PGBD5: variants seen among roughly 807,000 people sequenced by gnomAD.
PGBD5 encodes piggyBac transposable element-derived protein 5.
PGBD5 carries 14 observed loss-of-function variants against 47.9 expected under a neutral mutation model. The ratio of observed to expected loss-of-function variants is 0.29; its 90% CI spans 0.19 to 0.46. PGBD5 has a LOEUF of 0.46. Among genes scored for constraint, PGBD5 ranks in the 20% least tolerant of loss-of-function variants. The pLI is 1.00. For missense variants in PGBD5, 635 were observed against 716.0 expected, an observed-to-expected ratio of 0.89 and a Z score of 1.29; for synonymous variants, 316 against 306.3, an observed-to-expected ratio of 1.03 and a Z score of -0.33.
At chr1:230,336,960 G>C (rs1002485461) in intron 4 of PGBD5, 148 bp downstream of exon 4, 6 of 861,622 alleles carry the variant, frequency 7.0e-6, no homozygotes, top group African/African-American at 6.8e-5. Flanking sequence ...TGGCTGAGAC[G>C]CATCTGTTCC....
chr1:230,390,941 T>C (rs900798178), intron 1 of PGBD5, among the ~76,000 whole-genome samples: 6 of 152,230 alleles, frequency 3.9e-5, no homozygotes, highest in Admixed American at 3.3e-4. Context: ...GGTTTCATCA[T>C]GTTGGTCAGG....
intron 1 of PGBD5, among the ~76,000 whole-genome samples, chr1:230,388,675 A>G (rs2102730999): frequency 6.6e-6 from 1 of 152,236 alleles, no homozygotes; most frequent in East Asian, 1.9e-4. Flanking sequence ...TCGGCCTCCC[A>G]AAGTGCTGGG....
At chr1:230,334,150 G>A (rs752918123) in intron 4 of PGBD5, among the ~76,000 whole-genome samples, 5 of 152,310 alleles carry the variant, frequency 3.3e-5, no homozygotes, top group African/African-American at 4.8e-5. Context: ...TTCCTCTTCC[G>A]AATTCCTTTC....
intron 3 of PGBD5, among the ~76,000 whole-genome samples, chr1:230,350,328 C>T (rs550635381): frequency 2.6e-5 from 4 of 152,338 alleles, no homozygotes; most frequent in African/African-American, 9.6e-5. Flanking sequence ...ACCTCAGATG[C>T]TTTTCCTGGG....
intron 1 of PGBD5, among the ~76,000 whole-genome samples, chr1:230,406,963 T>C (rs990769019): frequency 5.3e-5 from 8 of 152,194 alleles, no homozygotes; most frequent in African/African-American, 1.9e-4. Context: ...GCCTCCTTAG[T>C]AGCTGGAATT....
chr1:230,389,383 G>A (rs1157322674), intron 1 of PGBD5, among the ~76,000 whole-genome samples: 1 of 151,982 alleles, frequency 6.6e-6, no homozygotes, highest in East Asian at 1.9e-4. Flanking sequence ...ATGTTGGCCA[G>A]TCTGGTCTCG....
rs1395426834 is a variant in PGBD5 at position 230,385,824 on chromosome 1, T to C, written c.332-28503A>G. ...AGTGTTTTGTCAGTAAATGCACATC[T>C]CCTCTCCATCCTGGCTACTCTAAGA... On this transcript the variant is annotated intron_variant, in intron 1 of 6. Transcript: ENST00000391860. 2.0e-5 allele frequency among the ~76,000 whole-genome samples: 3 copies of C among 152,086 alleles called. No individual in the cohort carries two copies. In the East Asian group the frequency reaches 5.8e-4, roughly 29 times the overall value.
chr1:230,332,439 G>T (rs1186987140), intron 5 of PGBD5, among the ~76,000 whole-genome samples: 2 of 152,198 alleles, frequency 1.3e-5, no homozygotes, highest in African/African-American at 2.4e-5. Flanking sequence ...ACCAGACAGC[G>T]CATATGCTTT....
intron 1 of PGBD5, among the ~76,000 whole-genome samples, chr1:230,418,554 C>A (rs1657576260): frequency 6.6e-6 from 1 of 152,124 alleles, no homozygotes; most frequent in African/African-American, 2.4e-5. Flanking sequence ...GTACCACAGT[C>A]TGGAGTGCAG....
At chr1:230,400,610 A>G (rs1199992739) in intron 1 of PGBD5, among the ~76,000 whole-genome samples, 4 of 152,214 alleles carry the variant, frequency 2.6e-5, no homozygotes, top group Non-Finnish European at 5.9e-5. Context: ...AGAAGTGCCA[A>G]TACTTACTCA....
rs1455856578 is a variant in PGBD5, at chr1:230,357,071, G to A, written c.582C>T (p.Tyr194=). Residue 194 remains tyrosine (Y), a synonymous_variant, in exon 2 of 7, where the codon TAC becomes TAT. Coordinates refer to ENST00000391860, the MANE Select transcript of PGBD5 (RefSeq NM_001258311.2). This position sits in a 1 kb window ranked among gnomAD's most constrained non-coding sequence, Gnocchi z 5.7. ...SVLSIWSGGF[Y]SNRSLALVMS... is the part of the protein sequence containing the mutation. ...TGACGAGGGCGAGGCTGCGGTTGCTGTAGAAGCCTCCGCTCCAGATGCTGA... is the reference window on the plus strand; with the variant it reads ...TGACGAGGGCGAGGCTGCGGTTGCTATAGAAGCCTCCGCTCCAGATGCTGA... 1 of 1,614,222 alleles carries A rather than the reference G, an allele frequency of 6.2e-7. No individual in the cohort carries two copies. The highest frequency in any genetic ancestry group is 1.1e-5 in the South Asian group (1 of 91,086).
intron 1 of PGBD5, among the ~76,000 whole-genome samples, chr1:230,423,582 A>G (rs1397736820): frequency 6.6e-6 from 1 of 152,136 alleles, no homozygotes. Flanking sequence ...CAGCCCCCAT[A>G]AATCATATTC....
intron 1 of PGBD5, among the ~76,000 whole-genome samples, chr1:230,424,174 CT>C (rs1424698569): frequency 6.6e-6 from 1 of 152,130 alleles, no homozygotes. Context: ...GGCATAAAGT[CT>C]GCCAAACCAG....
At chr1:230,380,302 CAG>C (rs1656414351) in intron 1 of PGBD5, among the ~76,000 whole-genome samples, 1 of 152,250 alleles carries the variant, frequency 6.6e-6, no homozygotes, top group Non-Finnish European at 1.5e-5. Flanking sequence ...CTTAATTACA[CAG>C]AGAAATTAAT....
rs1421606420 is a variant in PGBD5, at chr1:230,318,698, A to G, written c.*4727T>C. ...GCGCCTCTGGCCTAGATCCCAGGGCACTCTGATGAGACCCCACAGCTGGCT... is the reference window on the plus strand; with the variant it reads ...GCGCCTCTGGCCTAGATCCCAGGGCGCTCTGATGAGACCCCACAGCTGGCT... On this transcript the variant is annotated 3_prime_UTR_variant, in exon 7 of 7. Transcript: ENST00000391860. 2 of 152,164 alleles carry G rather than the reference A, an allele frequency of 1.3e-5. No homozygotes were observed. Among genetic ancestry groups the G allele is most frequent in the Non-Finnish European group, 2.9e-5 (2 of 68,074 alleles). The allele number at this position is 152,164 out of a possible 1,614,324, so 9.4% of individuals were successfully genotyped here. A position where few individuals can be genotyped will look rare whatever the true frequency, so the allele number is the denominator to read the frequency against.
At chr1:230,388,826 T>A (rs1656716140) in intron 1 of PGBD5, among the ~76,000 whole-genome samples, 4 of 152,142 alleles carry the variant, frequency 2.6e-5, no homozygotes. Context: ...ATGACCCCCC[T>A]GGAAAGAAAA....
intron 3 of PGBD5, among the ~76,000 whole-genome samples, chr1:230,344,067 C>CG (rs1015400437): frequency 2.8e-4 from 43 of 152,098 alleles, no homozygotes; most frequent in Admixed American, 6.6e-5. Context: ...GGGCAGACCA[C>CG]GAGGTCAGGA....
chr1:230,337,700 T>C (rs2102819139), intron 3 of PGBD5, among the ~76,000 whole-genome samples: 1 of 152,330 alleles, frequency 6.6e-6, no homozygotes, highest in South Asian at 2.1e-4. Flanking sequence ...ACAAGGTATG[T>C]TCATAATGAC....
chr1:230,351,391 C>G (rs1430328643), intron 2 of PGBD5, among the ~76,000 whole-genome samples: 1 of 152,138 alleles, frequency 6.6e-6, no homozygotes. Flanking sequence ...GGCCTAAGGT[C>G]CCTTGTCCCA....
Sources: allele counts gnomAD v4.1 joint callset (sites outside exome capture counted in the v4.1 genomes callset), GRCh38; gene constraint gnomAD v4.1.1; non-coding constraint Gnocchi (gnomAD v3.1); transcripts MANE v1.5; gene names NCBI Gene and HGNC (gene_info 2026-07-23, HGNC 2026-07-21).